ITGB6: variants seen among roughly 807,000 people sequenced by gnomAD.
ITGB6 encodes the protein integrin subunit beta 6, also known as integrin beta-6.
Under a neutral mutation model 84.5 loss-of-function variants are expected in ITGB6, and 80 were observed. The ratio of observed to expected loss-of-function variants is 0.95; its 90% CI spans 0.79 to 1.14. The LOEUF is 1.14. Ranked by LOEUF, ITGB6 falls within the 50% of genes most tolerant of loss-of-function variation. ITGB6 has a pLI of 0.00. For synonymous variants in ITGB6, 383 were observed against 354.9 expected (o/e 1.08, Z -0.89); for missense variants, 1,006 against 968.0 (o/e 1.04, Z -0.52).
At chr2:160,145,565 A>T (rs1158663692) in intron 7 of ITGB6, among the ~76,000 whole-genome samples, 1 of 152,230 alleles carries the variant, frequency 6.6e-6, no homozygotes, top group African/African-American at 2.4e-5. Context: ...TTTAGCAGGC[A>T]GATGTGATAC....
chr2:160,186,932 G>C (rs540528712), intron 4 of ITGB6, among the ~76,000 whole-genome samples: 1 of 151,664 alleles, frequency 6.6e-6, no homozygotes, highest in African/African-American at 2.4e-5. Flanking sequence ...CATGGACACA[G>C]GGAGGGGAAC....
intron 7 of ITGB6, among the ~76,000 whole-genome samples, chr2:160,150,989 C>A (rs915408191): frequency 1.3e-5 from 2 of 151,974 alleles, no homozygotes; most frequent in South Asian, 2.1e-4. Context: ...GACTTAGACA[C>A]CCATATAATA....
At chr2:160,179,991 T>TA (rs1212714177) in intron 4 of ITGB6, among the ~76,000 whole-genome samples, 1 of 146,934 alleles carries the variant, frequency 6.8e-6, no homozygotes, top group African/African-American at 2.5e-5. Flanking sequence ...CACACGCCTG[T>TA]AATCCCAGCT....
intron 7 of ITGB6, among the ~76,000 whole-genome samples, chr2:160,147,775 GA>G (rs1056043121): frequency 1.3e-5 from 2 of 150,948 alleles, no homozygotes; most frequent in African/African-American, 2.4e-5. Flanking sequence ...ACATTCACAT[GA>G]AAAAAAAATC....
At position 160,173,979 on chromosome 2, in the gene ITGB6, A is replaced by G; in HGVS notation, c.754T>C (p.Cys252Arg). The change falls in exon 5 of 15, where the codon TGT becomes CGT. Residue 252 changes from cysteine to arginine, a missense_variant. Coordinates refer to ENST00000283249, the MANE Select transcript of ITGB6 (RefSeq NM_000888.5). ...GFDAIMQAAV[C>R]KEKIGWRNDS... is the part of the protein sequence containing the mutation. ...CAGCACTCCCTTCAGCATACCTTACACACAGCAGCTTGCATAATTGCATCA... is the reference window on the plus strand; with the variant it reads ...CAGCACTCCCTTCAGCATACCTTACGCACAGCAGCTTGCATAATTGCATCA... 1 of 1,613,250 alleles carries G rather than the reference A, an allele frequency of 6.2e-7. No individual in the cohort carries two copies.
chr2:160,184,884 G>T (rs62175395), intron 4 of ITGB6, among the ~76,000 whole-genome samples: 2 of 151,944 alleles, frequency 1.3e-5, no homozygotes, highest in African/African-American at 2.4e-5. Flanking sequence ...AAAATCACAT[G>T]ATTATCTCAA....
chr2:160,112,452 A>G (rs1682577686), intron 12 of ITGB6, among the ~76,000 whole-genome samples: 1 of 152,172 alleles, frequency 6.6e-6, no homozygotes, highest in Non-Finnish European at 1.5e-5. Flanking sequence ...TACGGGCAGG[A>G]TTGCAACAGG....
At position 160,112,116 on chromosome 2, in the gene ITGB6, C is replaced by G. The variant is rs1190490436; in HGVS notation, c.2065G>C (p.Glu689Gln). 6.2e-7 allele frequency: 1 copy of G among 1,613,080 alleles called. No homozygotes were observed. Among genetic ancestry groups the G allele is most frequent in the Non-Finnish European group, 8.5e-7 (1 of 1,179,696 alleles). ...ATGCTGTGAATGATGGTTTTCCCCT[C>G]ATTATCTGTAGTTATTAGGAATGTA... The part of the protein sequence containing the change: ...LITFLITTDN[E>Q]GKTIIHSINE... Residue 689 changes from glutamate (E) to glutamine (Q), a missense_variant, in exon 13 of 15, where the codon GAG (glutamate) becomes CAG (glutamine). Physicochemically the swap from Glu to Gln is conservative, Grantham distance 29. Coordinates refer to ENST00000283249, the MANE Select transcript of ITGB6 (RefSeq NM_000888.5).
At chr2:160,172,848 G>T in intron 5 of ITGB6, 118 bp from the exon 6 acceptor site, 3 of 723,372 alleles carry the variant, frequency 4.1e-6, no homozygotes, top group South Asian at 2.3e-5. Context: ...GTCTATTTTA[G>T]CCTTTTTATC....
At chr2:160,128,892 G>A (rs900562294) in intron 10 of ITGB6, among the ~76,000 whole-genome samples, 1 of 152,084 alleles carries the variant, frequency 6.6e-6, no homozygotes, top group African/African-American at 2.4e-5. Flanking sequence ...GGGGCCTGTG[G>A]GACATCCTAG....
intron 4 of ITGB6, 35 bp downstream of exon 4, chr2:160,195,334 A>C (rs996612008): frequency 1.2e-6 from 2 of 1,612,180 alleles, no homozygotes; most frequent in African/African-American, 2.7e-5. Flanking sequence ...ACAGAAAATC[A>C]GCGCACAAAG....
intron 2 of ITGB6, among the ~76,000 whole-genome samples, chr2:160,198,143 C>T (rs1376025751): frequency 6.6e-6 from 1 of 151,972 alleles, no homozygotes; most frequent in African/African-American, 2.4e-5. Context: ...ATCCAAAAAA[C>T]ATGTGATTTT....
Position 160,107,757 on chromosome 2 carries a change from C to A in ITGB6, c.2190G>T (p.Trp730Cys), listed in dbSNP as rs778009963. 7.4e-6 allele frequency: 12 copies of A among 1,614,030 alleles called. No homozygotes were observed. In the East Asian group the frequency reaches 1.6e-4, roughly 21 times the overall value. ...LLIGVVLLCI[W>C]KLLVSFHDRK... ...GATCATGAAATGACACCAGTAGCTTCCAGATGCACAGTAGGACAACCCCGA... is the reference window on the plus strand; with the variant it reads ...GATCATGAAATGACACCAGTAGCTTACAGATGCACAGTAGGACAACCCCGA... The change falls in exon 14 of 15, where the codon TGG becomes TGT. Residue 730 changes from tryptophan (W) to cysteine (C), a missense_variant. By Grantham distance (215) the Trp-to-Cys change is radical. Coordinates refer to ENST00000283249, the MANE Select transcript of ITGB6 (RefSeq NM_000888.5).
In ITGB6 at chr2:160,195,392, T is replaced by A. The variant is rs1008506096; in HGVS notation, c.570A>T (p.Pro190=). 1.2e-6 allele frequency: 2 copies of A among 1,614,190 alleles called. No individual in the cohort carries two copies. Among genetic ancestry groups the A allele is most frequent in the Non-Finnish European group, 1.7e-6 (2 of 1,180,000 alleles). Residue 190 remains proline, a synonymous_variant, in exon 4 of 15, where the codon CCA becomes CCT. Transcript: ENST00000283249. ...ACCTGCAAGGGTTGGCAATTTCTTC[T>A]GGTGTTGTTTTCACAAAAGGGGATA... The part of the protein sequence containing the change: ...KPVSPFVKTT[P]EEIANPCSSI...
chr2:160,123,714 C>A, intron 12 of ITGB6, 77 bp downstream of exon 12: 1 of 1,085,804 alleles, frequency 9.2e-7, no homozygotes, highest in South Asian at 1.4e-5. Context: ...AAATAGCCCT[C>A]GATTCACAGA....
At chr2:160,195,111 C>T (rs1005364170) in intron 4 of ITGB6, among the ~76,000 whole-genome samples, 2 of 152,166 alleles carry the variant, frequency 1.3e-5, no homozygotes, top group African/African-American at 4.8e-5. Flanking sequence ...CTGCATAACA[C>T]GCATTCTGGT....
At chr2:160,142,912 A>G (rs1302146583) in intron 7 of ITGB6, among the ~76,000 whole-genome samples, 1 of 152,242 alleles carries the variant, frequency 6.6e-6, no homozygotes, top group East Asian at 1.9e-4. Flanking sequence ...GGTGTGTGAT[A>G]GACATACCTG....
At chr2:160,151,519 C>T (rs1012397583) in intron 7 of ITGB6, among the ~76,000 whole-genome samples, 7 of 152,160 alleles carry the variant, frequency 4.6e-5, no homozygotes, top group Non-Finnish European at 1.0e-4. Context: ...AACACCCTAA[C>T]ATCACAATTA....
chr2:160,151,645 G>A (rs115652778), intron 7 of ITGB6, among the ~76,000 whole-genome samples: 7,640 of 151,958 alleles, frequency 0.05, 292 homozygotes, highest in Non-Finnish European at 0.078. Context: ...TCAAAAAGTC[G>A]ATGAATCTAG....
Sources: allele counts gnomAD v4.1 joint callset (sites outside exome capture counted in the v4.1 genomes callset), GRCh38; gene constraint gnomAD v4.1.1; transcripts MANE v1.5; gene names NCBI Gene and HGNC (gene_info 2026-07-23, HGNC 2026-07-21).